Variants in PPP1R11 observed in about 807,000 individuals in gnomAD.
The protein encoded by PPP1R11 is E3 ubiquitin-protein ligase PPP1R11.
PPP1R11 carries 10 observed loss-of-function variants against 11.3 expected under a neutral mutation model. The observed-to-expected ratio is 0.88, with a 90% CI of 0.55 to 1.50. The LOEUF is 1.50. Among genes scored for constraint, PPP1R11 ranks in the 40% most tolerant of loss-of-function variants. The pLI is 0.00. For synonymous variants in PPP1R11, 56 were observed against 62.3 expected (o/e 0.90, Z 0.48); for missense variants, 114 against 179.1 (o/e 0.64, Z 2.07).
upstream of PPP1R11, chr6:30,064,738 G>T (rs780116277): frequency 6.3e-7 from 1 of 1,590,718 alleles, no homozygotes. Context: ...CCTCCTTTCG[G>T]AAGGTGAAGG....
chr6:30,065,158 T>C (rs1765404975), upstream of PPP1R11, among the ~76,000 whole-genome samples: 1 of 152,218 alleles, frequency 6.6e-6, no homozygotes, highest in African/African-American at 2.4e-5. The surrounding 1 kb of genome is among the most constrained non-coding windows in gnomAD (Gnocchi z 5.3). Context: ...TAACCAGATC[T>C]CTTTAGCATA....
At chr6:30,061,413 G>A in the PPP1R11 span, 1 of 1,262,930 alleles carries the variant, frequency 7.9e-7, no homozygotes, top group South Asian at 1.5e-5. This position sits in a 1 kb window ranked among gnomAD's most constrained non-coding sequence, Gnocchi z 5.0. Context: ...GTGGCAGGAG[G>A]GTTCGGGTTA....
intron 1 of PPP1R11, 40 bp downstream of exon 1, chr6:30,067,519 G>A (rs1297253072): frequency 1.3e-6 from 2 of 1,585,572 alleles, no homozygotes; most frequent in Non-Finnish European, 1.7e-6. Flanking sequence ...AGGGGTCTGG[G>A]AGATACTGGG....
upstream of PPP1R11, chr6:30,066,663 A>G (rs1157810782): frequency 1.3e-5 from 2 of 152,254 alleles, no homozygotes; most frequent in Non-Finnish European, 2.9e-5. Flanking sequence ...ACAGTGACTG[A>G]AAAAAACTGA....
chr6:30,070,085 G>A lies in PPP1R11; in HGVS notation c.*779G>A, dbSNP rs1387029031. The A allele has an allele frequency of 1.3e-5, 2 of 152,268 alleles. No homozygotes were observed. Among genetic ancestry groups the A allele is most frequent in the Non-Finnish European group, 2.9e-5 (2 of 68,098 alleles). 9.4% of individuals were successfully genotyped at this position (152,268 alleles called of 1,614,324 possible). ...TGGGTCTCTGGGAGAGGAAGGAAGA[G>A]GGAGGGAGCAAAGAGATTGGGGTAT... On this transcript the variant is annotated 3_prime_UTR_variant, in exon 3 of 3. Transcript: ENST00000376772.
chr6:30,062,087 C>T (rs1196554152), upstream of PPP1R11: 7 of 1,520,972 alleles, frequency 4.6e-6, no homozygotes, highest in Non-Finnish European at 6.4e-6. Context: ...GATTGCAAAG[C>T]TCTGGAGAGT....
rs1032477464 is a variant in PPP1R11, at chr6:30,067,391, C to G, written c.-20C>G. The G allele has an allele frequency of 6.2e-7, 1 of 1,611,990 alleles. No homozygotes were observed. Among genetic ancestry groups the G allele is most frequent in the Non-Finnish European group, 8.5e-7 (1 of 1,178,106 alleles). ...GTCTCATCCCCCTTCCTCCTCTCCT[C>G]CCTGTCCTGAGCCTTAGCCATGGCC... On this transcript the variant is annotated 5_prime_UTR_variant, in exon 1 of 3. Coordinates refer to ENST00000376772, the MANE Select transcript of PPP1R11 (RefSeq NM_021959.3).
upstream of PPP1R11, among the ~76,000 whole-genome samples, chr6:30,063,909 CTT>C (rs1765310392): frequency 6.6e-6 from 1 of 152,190 alleles, no homozygotes; most frequent in Non-Finnish European, 1.5e-5. This position sits in a 1 kb window ranked among gnomAD's most constrained non-coding sequence, Gnocchi z 4.1. Flanking sequence ...AGTTTTCTCT[CTT>C]TCTACCTACT....
chr6:30,061,622 A>G, the PPP1R11 span: 1 of 1,613,054 alleles, frequency 6.2e-7, no homozygotes. This position sits in a 1 kb window ranked among gnomAD's most constrained non-coding sequence, Gnocchi z 5.0. Context: ...CCCGGGGCTC[A>G]GGATACGGTC....
upstream of PPP1R11, chr6:30,062,362 A>G (rs1380698816): frequency 1.6e-5 from 23 of 1,469,054 alleles, no homozygotes; most frequent in Non-Finnish European, 2.2e-5. Context: ...CCCTCTGCTC[A>G]GTCTGTTTGC....
upstream of PPP1R11, chr6:30,064,822 C>A: frequency 4.0e-6 from 3 of 746,026 alleles, no homozygotes; most frequent in Non-Finnish European, 4.4e-6. Context: ...ATCAGATCAT[C>A]ATGTGGGGAT....
upstream of PPP1R11, among the ~76,000 whole-genome samples, chr6:30,063,358 C>T (rs1315211583): frequency 6.6e-6 from 1 of 151,888 alleles, no homozygotes; most frequent in African/African-American, 2.4e-5. The surrounding 1 kb of genome is among the most constrained non-coding windows in gnomAD (Gnocchi z 4.1). Flanking sequence ...CTTCAGGTCC[C>T]TCTTCCATGT....
At chr6:30,061,538 ACCTCGCC>A in the PPP1R11 span, 1 of 1,612,982 alleles carries the variant, frequency 6.2e-7, no homozygotes, top group Non-Finnish European at 8.5e-7. This position sits in a 1 kb window ranked among gnomAD's most constrained non-coding sequence, Gnocchi z 5.0. Context: ...TCTGTCATGG[ACCTCGCC>A]AATACTTGCT....
upstream of PPP1R11, chr6:30,062,004 G>A (rs527495192): frequency 6.2e-7 from 1 of 1,613,104 alleles, no homozygotes; most frequent in South Asian, 1.1e-5. Context: ...GGGCCTGAGT[G>A]CCAGGGACCT....
chr6:30,065,681 A>G (rs955384557), upstream of PPP1R11, among the ~76,000 whole-genome samples: 4 of 152,126 alleles, frequency 2.6e-5, no homozygotes, highest in African/African-American at 9.7e-5. The surrounding 1 kb of genome is among the most constrained non-coding windows in gnomAD (Gnocchi z 5.3). Flanking sequence ...TATATCTATT[A>G]TAATAGATTC....
At chr6:30,063,045 G>A (rs1179227017), upstream of PPP1R11, among the ~76,000 whole-genome samples, 2 of 152,060 alleles carry the variant, frequency 1.3e-5, no homozygotes, top group African/African-American at 4.8e-5. The surrounding 1 kb of genome is among the most constrained non-coding windows in gnomAD (Gnocchi z 4.1). Context: ...ATGCTTTTAA[G>A]ACCTCATTTT....
rs777892350 is a variant in PPP1R11 at position 30,069,055 on chromosome 6, A to C, written c.179-49A>C. 1 of 1,505,704 alleles carries C rather than the reference A, an allele frequency of 6.6e-7. No individual in the cohort carries two copies. The highest frequency in any genetic ancestry group is 9.2e-7 in the Non-Finnish European group (1 of 1,085,420). The allele number at this position is 1,505,704 out of a possible 1,614,324, so 93.3% of individuals were successfully genotyped here. A position where few individuals can be genotyped will look rare whatever the true frequency, so the allele number is the denominator to read the frequency against. ...TTTGAGTGGGAATGGAACTGACTATATATCTTACCCTTCCTCCTCTTTAAC... is the reference window on the plus strand; with the variant it reads ...TTTGAGTGGGAATGGAACTGACTATCTATCTTACCCTTCCTCCTCTTTAAC... On this transcript the variant is annotated intron_variant, in intron 2 of 2. Transcript: ENST00000376772. The surrounding 1 kb of genome is among the most constrained non-coding windows in gnomAD (Gnocchi z 6.6).
chr6:30,067,140 C>T (rs57490040), upstream of PPP1R11: 10 of 446,130 alleles, frequency 2.2e-5, no homozygotes, highest in African/African-American at 1.2e-4. Context: ...AATCCAGCGA[C>T]GCCTGCGCTT....
At chr6:30,064,308 T>TAAAA (rs1215642342), upstream of PPP1R11, among the ~76,000 whole-genome samples, 38 of 151,798 alleles carry the variant, frequency 2.5e-4, 1 homozygote, top group East Asian at 3.5e-3. Context: ...AAAAAAAATT[T>TAAAA]TTTTTAAATA....
Sources: gnomAD v4.1 joint callset for allele counts (sites outside exome capture counted in the v4.1 genomes callset) on GRCh38, gnomAD v4.1.1 for gene constraint, Gnocchi (gnomAD v3.1) non-coding constraint, MANE v1.5 for transcripts, NCBI Gene and HGNC (gene_info 2026-07-23, HGNC 2026-07-21) for gene names.